Variants in PPM1H observed in about 807,000 individuals in gnomAD.
PPM1H encodes protein phosphatase 1H.
Under a neutral mutation model 54.9 loss-of-function variants are expected in PPM1H, and 27 were observed. That is an observed-to-expected ratio of 0.49 (90% CI 0.36 to 0.68). The LOEUF (loss-of-function observed/expected upper bound fraction) is 0.68. Among genes scored for constraint, PPM1H ranks in the 30% least tolerant of loss-of-function variants. The pLI is 0.00. For synonymous variants in PPM1H, 305 were observed against 270.8 expected, an observed-to-expected ratio of 1.13 and a Z score of -1.24; for missense variants, 596 against 667.8, an observed-to-expected ratio of 0.89 and a Z score of 1.19.
chr12:62,667,698 T>G (rs1444558215), intron 8 of PPM1H, among the ~76,000 whole-genome samples: 1 of 152,250 alleles, frequency 6.6e-6, no homozygotes, highest in East Asian at 1.9e-4. Context: ...CTTTGCGTAT[T>G]CATTCAGCAA....
chr12:62,847,265 A>G lies in PPM1H; in HGVS notation c.246-14986T>C, dbSNP rs554233400. ...GAGTCCCTAGTTCTAGGTGTTCCCA[A>G]GACCCATTTGTCTTTGGAATATCTG... On this transcript the variant is annotated intron_variant, in intron 1 of 9. Transcript: ENST00000228705. 7.9e-5 allele frequency among the ~76,000 whole-genome samples: 12 copies of G among 152,350 alleles called. No homozygotes were observed. In the South Asian group the frequency reaches 1.9e-3, roughly 24 times the overall value.
intron 4 of PPM1H, among the ~76,000 whole-genome samples, chr12:62,743,218 T>C (rs1849479197): frequency 6.6e-6 from 1 of 152,016 alleles, no homozygotes. Context: ...CTGGGTGTGG[T>C]GGCAGGCGCC....
At chr12:62,780,923 C>T (rs903316618) in intron 4 of PPM1H, among the ~76,000 whole-genome samples, 4 of 152,198 alleles carry the variant, frequency 2.6e-5, no homozygotes, top group Admixed American at 2.0e-4. Flanking sequence ...AATCTCACGC[C>T]AGCATTTCTA....
intron 1 of PPM1H, among the ~76,000 whole-genome samples, chr12:62,889,444 C>A (rs1870706666): frequency 6.6e-6 from 1 of 151,956 alleles, no homozygotes; most frequent in Non-Finnish European, 1.5e-5. Flanking sequence ...ATTACTTGAG[C>A]CCAGGAGTTC....
At chr12:62,757,610 T>C (rs1383224023) in intron 4 of PPM1H, among the ~76,000 whole-genome samples, 5 of 152,202 alleles carry the variant, frequency 3.3e-5, no homozygotes, top group Non-Finnish European at 7.4e-5. Flanking sequence ...ATCTACTATT[T>C]TCAAGTGTCT....
At chr12:62,666,679 A>C (rs146274782) in intron 9 of PPM1H, among the ~76,000 whole-genome samples, 119 of 152,224 alleles carry the variant, frequency 7.8e-4, no homozygotes, top group African/African-American at 2.8e-3. Context: ...ATCTACGTTC[A>C]ACTTAAGGGG....
chr12:62,814,349 G>A (rs1016985929), intron 2 of PPM1H, among the ~76,000 whole-genome samples: 1 of 152,084 alleles, frequency 6.6e-6, no homozygotes, highest in Admixed American at 6.6e-5. Context: ...GCCCCAAGAA[G>A]CTAGGACTAC....
chr12:62,839,735 G>C (rs1868653981), intron 1 of PPM1H, among the ~76,000 whole-genome samples: 1 of 151,840 alleles, frequency 6.6e-6, no homozygotes, highest in African/African-American at 2.4e-5. Flanking sequence ...ATTTATGTTA[G>C]TTTTAGTCCT....
chr12:62,792,678 G>A (rs527375144), intron 3 of PPM1H, among the ~76,000 whole-genome samples: 10 of 152,058 alleles, frequency 6.6e-5, no homozygotes, highest in Non-Finnish European at 1.2e-4. Flanking sequence ...TTCTAAAACC[G>A]TGTGCAACTA....
At chr12:62,655,733 G>A (rs537850263) in intron 9 of PPM1H, among the ~76,000 whole-genome samples, 1 of 152,322 alleles carries the variant, frequency 6.6e-6, no homozygotes, top group African/African-American at 2.4e-5. Flanking sequence ...GCTTCTGGAA[G>A]CTGTGTGTGG....
At chr12:62,714,283 G>C (rs368497928) in intron 6 of PPM1H, among the ~76,000 whole-genome samples, 1 of 152,168 alleles carries the variant, frequency 6.6e-6, no homozygotes, top group African/African-American at 2.4e-5. Flanking sequence ...TACTGTGCTC[G>C]AGAGCACAGA....
chr12:62,755,337 TG>T, intron 4 of PPM1H: 1 of 1,143,608 alleles, frequency 8.7e-7, no homozygotes, highest in Non-Finnish European at 1.3e-6. Flanking sequence ...ACCCCTTCAT[TG>T]ACCTCAACTA....
At chr12:62,691,440 C>A (rs966393998) in intron 7 of PPM1H, among the ~76,000 whole-genome samples, 1 of 152,134 alleles carries the variant, frequency 6.6e-6, no homozygotes, top group Non-Finnish European at 1.5e-5. Context: ...AATTTTGAAG[C>A]CAGCCTTGGT....
chr12:62,915,962 C>T (rs150934831), intron 1 of PPM1H, among the ~76,000 whole-genome samples: 5 of 152,294 alleles, frequency 3.3e-5, no homozygotes, highest in East Asian at 1.9e-4. Flanking sequence ...TTCCAGGGTT[C>T]GAACAGTCAG....
At chr12:62,832,665 C>T (rs1868386581) in intron 1 of PPM1H, among the ~76,000 whole-genome samples, 2 of 152,104 alleles carry the variant, frequency 1.3e-5, no homozygotes, top group African/African-American at 4.8e-5. Flanking sequence ...TGTTTCACTT[C>T]TCCAAGTGAT....
chr12:62,659,640 A>G (rs572263446), intron 9 of PPM1H, among the ~76,000 whole-genome samples: 5 of 152,344 alleles, frequency 3.3e-5, no homozygotes, highest in Admixed American at 3.3e-4. Flanking sequence ...AGGAACCTAC[A>G]GGCAACATAA....
At chr12:62,722,987 T>C (rs990577526) in intron 5 of PPM1H, among the ~76,000 whole-genome samples, 1 of 152,182 alleles carries the variant, frequency 6.6e-6, no homozygotes, top group African/African-American at 2.4e-5. Flanking sequence ...CTGAAAATAT[T>C]GTAAGTCAAA....
intron 1 of PPM1H, among the ~76,000 whole-genome samples, chr12:62,901,556 T>C (rs1871163996): frequency 6.6e-6 from 1 of 152,220 alleles, no homozygotes; most frequent in South Asian, 2.1e-4. Flanking sequence ...TACGTCTTTA[T>C]AGAAATTGCC....
Position 62,900,356 on chromosome 12 carries a change from G to A in PPM1H, c.245+34136C>T, listed in dbSNP as rs533296200. The stretch of plus-strand genomic sequence containing the variant: ...AAAGGACATGAACCCTTGGACACAG[G>A]AAGGGGGACCTCACACACAGGGGCC... On this transcript the variant is annotated intron_variant, in intron 1 of 9. Coordinates refer to ENST00000228705, the MANE Select transcript of PPM1H (RefSeq NM_020700.2). Among the ~76,000 whole-genome samples, 370 of 151,740 alleles carry A rather than the reference G, an allele frequency of 2.4e-3. 1 individual carries two copies. Among genetic ancestry groups the A allele is most frequent in the African/African-American group, 8.2e-3 (341 of 41,358 alleles).
Sources: allele counts gnomAD v4.1 joint callset (sites outside exome capture counted in the v4.1 genomes callset), GRCh38; gene constraint gnomAD v4.1.1; transcripts MANE v1.5; gene names NCBI Gene and HGNC (gene_info 2026-07-23, HGNC 2026-07-21).